The following CCSER1 variants were observed in gnomAD, a reference collection of about 807,000 sequenced individuals.
CCSER1 encodes serine-rich coiled-coil domain-containing protein 1.
In CCSER1, 41 loss-of-function variants were observed where a neutral mutation model predicts 82.0. The ratio of observed to expected loss-of-function variants is 0.50; its 90% CI spans 0.39 to 0.65. The LOEUF is 0.65. Among genes scored for constraint, CCSER1 ranks in the 30% least tolerant of loss-of-function variants. CCSER1 has a pLI of 0.00. For synonymous variants in CCSER1, 414 were observed against 383.9 expected (o/e 1.08, Z -0.92); for missense variants, 1,119 against 1,064.2 (o/e 1.05, Z -0.72).
At chr4:91,283,356 G>A (rs1204415900) in intron 10 of CCSER1, among the ~76,000 whole-genome samples, 1 of 151,878 alleles carries the variant, frequency 6.6e-6, no homozygotes, top group Admixed American at 6.6e-5. Flanking sequence ...TTTTATTGAA[G>A]TCTTCATCTT....
At position 91,578,198 on chromosome 4, in the gene CCSER1, T is replaced by G. The variant is rs1455047899; in HGVS notation, c.2218-20374T>G. Reference sequence around the variant, plus strand: ...CCCTACCCTGGAATATCTTGTCTTCTGTCAATATCCATAAAACTATGGTAG... The same window carrying G: ...CCCTACCCTGGAATATCTTGTCTTCGGTCAATATCCATAAAACTATGGTAG... On this transcript the variant is annotated intron_variant, in intron 10 of 10. Coordinates refer to ENST00000509176, the MANE Select transcript of CCSER1 (RefSeq NM_001145065.2). 2.0e-5 allele frequency among the ~76,000 whole-genome samples: 3 copies of G among 152,030 alleles called. No individual in the cohort carries two copies. The Admixed American group carries it at 2.0e-4, about 10-fold the overall frequency.
At chr4:90,216,217 T>C (rs1353768284) in intron 1 of CCSER1, among the ~76,000 whole-genome samples, 2 of 152,214 alleles carry the variant, frequency 1.3e-5, no homozygotes, top group African/African-American at 2.4e-5. Flanking sequence ...TGAATCAGAA[T>C]GCGCTTTTTA....
At chr4:90,332,629 T>A (rs1739523220) in intron 3 of CCSER1, among the ~76,000 whole-genome samples, 1 of 152,202 alleles carries the variant, frequency 6.6e-6, no homozygotes, top group South Asian at 2.1e-4. Flanking sequence ...TACAAATTGG[T>A]GATTTTTATC....
chr4:90,843,099 C>T (rs559609487), intron 8 of CCSER1, among the ~76,000 whole-genome samples: 4 of 152,264 alleles, frequency 2.6e-5, no homozygotes, highest in African/African-American at 9.6e-5. Context: ...CCCAACTTTT[C>T]ACCACGGATT....
chr4:90,487,118 G>T (rs1767225187), intron 5 of CCSER1, among the ~76,000 whole-genome samples: 1 of 152,132 alleles, frequency 6.6e-6, no homozygotes, highest in Non-Finnish European at 1.5e-5. Flanking sequence ...CACAATGTTG[G>T]CCAGGCTGGT....
intron 10 of CCSER1, among the ~76,000 whole-genome samples, chr4:91,174,050 A>C (rs1183297131): frequency 6.6e-6 from 1 of 152,200 alleles, no homozygotes; most frequent in Non-Finnish European, 1.5e-5. Context: ...AACTACCTTT[A>C]ATGACAAATA....
At chr4:90,809,169 AAT>A (rs1491212464) in intron 7 of CCSER1, among the ~76,000 whole-genome samples, 1 of 151,376 alleles carries the variant, frequency 6.6e-6, no homozygotes, top group Non-Finnish European at 1.5e-5. Flanking sequence ...ACACACACAC[AAT>A]TAGCTAGGCA....
intron 8 of CCSER1, among the ~76,000 whole-genome samples, chr4:90,915,838 G>T (rs868355553): frequency 7.9e-5 from 12 of 151,638 alleles, no homozygotes; most frequent in Non-Finnish European, 1.5e-4. Flanking sequence ...AAATCAATGT[G>T]CAAAAATCAC....
At chr4:90,396,828 C>CT (rs1415793354) in intron 3 of CCSER1, among the ~76,000 whole-genome samples, 2 of 151,756 alleles carry the variant, frequency 1.3e-5, no homozygotes, top group African/African-American at 4.8e-5. Context: ...TTTCTTTTCC[C>CT]TTTCTCTGAT....
At chr4:90,749,044 A>G (rs1288536079) in intron 7 of CCSER1, among the ~76,000 whole-genome samples, 1 of 151,788 alleles carries the variant, frequency 6.6e-6, no homozygotes, top group Non-Finnish European at 1.5e-5. Flanking sequence ...TAGTTTAATT[A>G]GATCCCATTT....
rs532848604 is a variant in CCSER1, at chr4:90,964,004, AT to A, written c.2172+40559del. Among the ~76,000 whole-genome samples the A allele has an allele frequency of 1.2e-4, 19 of 152,318 alleles. 1 individual carries two copies. In the South Asian group the frequency reaches 3.7e-3, roughly 30 times the overall value. ...TAATTTGTGTGATTTCCAGCAGTTC[AT>A]TATTAGAAACCAATTATTTTAATGC... On this transcript the variant is annotated intron_variant, in intron 9 of 10. Transcript: ENST00000509176.
chr4:91,019,757 C>A (rs1207682079), intron 9 of CCSER1, among the ~76,000 whole-genome samples: 1 of 152,102 alleles, frequency 6.6e-6, no homozygotes, highest in Non-Finnish European at 1.5e-5. Flanking sequence ...CCTGAAATGC[C>A]ACAGGAGTCA....
At chr4:91,575,570 T>G (rs1763412014) in intron 10 of CCSER1, among the ~76,000 whole-genome samples, 1 of 152,014 alleles carries the variant, frequency 6.6e-6, no homozygotes, top group Admixed American at 6.6e-5. Context: ...AATAGTTATT[T>G]CCAAAAGTGA....
chr4:90,626,445 A>G (rs928442248), intron 5 of CCSER1, among the ~76,000 whole-genome samples: 3 of 152,218 alleles, frequency 2.0e-5, no homozygotes, highest in Non-Finnish European at 4.4e-5. Flanking sequence ...CACTAAACGG[A>G]AGGCTTTAAG....
chr4:91,050,096 A>T (rs1742861908), intron 9 of CCSER1, among the ~76,000 whole-genome samples: 1 of 152,218 alleles, frequency 6.6e-6, no homozygotes, highest in Non-Finnish European at 1.5e-5. Flanking sequence ...GTGAATAAAT[A>T]TACATATTTA....
At chr4:91,505,632 C>G (rs1005855127) in intron 10 of CCSER1, among the ~76,000 whole-genome samples, 1 of 152,136 alleles carries the variant, frequency 6.6e-6, no homozygotes, top group South Asian at 2.1e-4. Flanking sequence ...TTAGTAATCA[C>G]CATTCTGACT....
rs1176661483 is a variant in CCSER1 at position 90,665,368 on chromosome 4, C to T, written c.1932+37136C>T. On this transcript the variant is annotated intron_variant, in intron 6 of 10. Transcript: ENST00000509176. ...AGACGGAGTCTTGCTGTCGCCCAGGCTGGAGTGCAGTGGCGTGATCTCGGC... is the reference window on the plus strand; with the variant it reads ...AGACGGAGTCTTGCTGTCGCCCAGGTTGGAGTGCAGTGGCGTGATCTCGGC... 2.0e-5 allele frequency among the ~76,000 whole-genome samples: 3 copies of T among 150,144 alleles called. No individual in the cohort carries two copies. The East Asian group carries it at 5.8e-4, about 29-fold the overall frequency.
intron 10 of CCSER1, among the ~76,000 whole-genome samples, chr4:91,320,946 T>G (rs1308099851): frequency 1.3e-5 from 2 of 152,036 alleles, no homozygotes; most frequent in Admixed American, 1.3e-4. Context: ...ATTTTTGGAA[T>G]CTTGAAAGAC....
At chr4:91,506,741 A>C (rs1759512425) in intron 10 of CCSER1, among the ~76,000 whole-genome samples, 1 of 152,200 alleles carries the variant, frequency 6.6e-6, no homozygotes, top group African/African-American at 2.4e-5. Flanking sequence ...GTATGTGCAT[A>C]GAGTTGAGCA....
Sources: allele counts gnomAD v4.1 joint callset (sites outside exome capture counted in the v4.1 genomes callset), GRCh38; gene constraint gnomAD v4.1.1; transcripts MANE v1.5; gene names NCBI Gene and HGNC (gene_info 2026-07-23, HGNC 2026-07-21).